The following FNDC3B variants were observed in gnomAD, a reference collection of about 807,000 sequenced individuals.
FNDC3B encodes the protein fibronectin type III domain-containing protein 3B.
A neutral mutation model predicts 151.5 loss-of-function variants in FNDC3B; 12 were observed. The observed-to-expected ratio is 0.08, with a 90% CI of 0.05 to 0.13. FNDC3B has a LOEUF of 0.13. Among genes scored for constraint, FNDC3B ranks in the 10% least tolerant of loss-of-function variants. FNDC3B has a pLI of 1.00. For synonymous variants in FNDC3B, 528 were observed against 549.0 expected (o/e 0.96, Z 0.54); for missense variants, 1,214 against 1,505.3 (o/e 0.81, Z 3.20).
intron 3 of FNDC3B, 94 bp downstream of exon 3, chr3:172,133,640 T>C: frequency 1.1e-6 from 1 of 899,764 alleles, no homozygotes; most frequent in Non-Finnish European, 1.9e-6. Context: ...TGTAATTTTC[T>C]AGAAGTAAAG....
intron 11 of FNDC3B, among the ~76,000 whole-genome samples, chr3:172,313,961 CACATTCCTATGCTAT>C (rs1406975364): frequency 1.8e-4 from 28 of 152,258 alleles, no homozygotes; most frequent in African/African-American, 6.7e-4. Context: ...CTTTGGGTCC[CACATTCCTATGCTAT>C]ACAGGCCTTA....
At chr3:172,154,304 C>A (rs888763085) in intron 3 of FNDC3B, among the ~76,000 whole-genome samples, 1 of 152,154 alleles carries the variant, frequency 6.6e-6, no homozygotes, top group Non-Finnish European at 1.5e-5. Context: ...CAACCTCCAC[C>A]TTCTGGGTTC....
intron 1 of FNDC3B, among the ~76,000 whole-genome samples, chr3:172,075,374 A>G (rs1717956206): frequency 6.6e-6 from 1 of 152,094 alleles, no homozygotes; most frequent in African/African-American, 2.4e-5. Flanking sequence ...TTGGTTTTAG[A>G]TCTCTTCATT....
chr3:172,161,113 A>C (rs1048974126), intron 3 of FNDC3B, among the ~76,000 whole-genome samples: 2 of 152,226 alleles, frequency 1.3e-5, no homozygotes, highest in African/African-American at 4.8e-5. Context: ...GTTCATTATT[A>C]ACTGTTATAT....
At chr3:172,123,733 C>T (rs567130966) in intron 2 of FNDC3B, among the ~76,000 whole-genome samples, 44 of 152,256 alleles carry the variant, frequency 2.9e-4, no homozygotes, top group Middle Eastern at 3.4e-3. Context: ...ACATGGAAAA[C>T]ATCTATATAG....
intron 3 of FNDC3B, among the ~76,000 whole-genome samples, chr3:172,191,601 A>T (rs1011957607): frequency 1.3e-5 from 2 of 152,050 alleles, no homozygotes; most frequent in African/African-American, 4.8e-5. Flanking sequence ...GGCTCAAACA[A>T]TCCTCCTGCT....
chr3:172,346,098 T>G (rs1733600527), intron 19 of FNDC3B: 2 of 275,738 alleles, frequency 7.3e-6, no homozygotes, highest in African/African-American at 4.4e-5. Flanking sequence ...ACTAATTATT[T>G]TACAATTAAA....
At chr3:172,363,068 T>G (rs1734442924) in intron 23 of FNDC3B, among the ~76,000 whole-genome samples, 1 of 151,196 alleles carries the variant, frequency 6.6e-6, no homozygotes, top group African/African-American at 2.4e-5. Flanking sequence ...CATAGCATAA[T>G]ATGCACTTTT....
At chr3:172,174,902 C>T (rs905499053) in intron 3 of FNDC3B, among the ~76,000 whole-genome samples, 6 of 131,728 alleles carry the variant, frequency 4.6e-5, no homozygotes, top group African/African-American at 5.6e-5. Context: ...ATTGCTGATT[C>T]TCTGTGGACT....
At chr3:172,043,727 CTT>C (rs944175783) in intron 1 of FNDC3B, among the ~76,000 whole-genome samples, 2 of 152,120 alleles carry the variant, frequency 1.3e-5, no homozygotes, top group Admixed American at 6.5e-5. Flanking sequence ...TTTGTTAACT[CTT>C]TGGTTTTAAA....
intron 3 of FNDC3B, among the ~76,000 whole-genome samples, chr3:172,193,186 C>A (rs1215444886): frequency 1.8e-5 from 1 of 56,296 alleles, no homozygotes; most frequent in East Asian, 6.8e-4. Context: ...CCCTTCCTCT[C>A]CCTCCCTCCC....
intron 6 of FNDC3B, among the ~76,000 whole-genome samples, chr3:172,265,902 AT>A (rs1356427149): frequency 1.3e-5 from 2 of 152,216 alleles, no homozygotes; most frequent in Non-Finnish European, 2.9e-5. Context: ...TTCCCTCAGC[AT>A]TTCTGAATTA....
At chr3:172,251,704 A>G (rs545364636) in intron 6 of FNDC3B, among the ~76,000 whole-genome samples, 163 bp downstream of exon 6, 6 of 152,350 alleles carry the variant, frequency 3.9e-5, no homozygotes, top group South Asian at 4.1e-4. Flanking sequence ...TAAGGAAATA[A>G]TATTGCATTG....
At chr3:172,104,422 GTTTT>G (rs1463756349) in intron 1 of FNDC3B, among the ~76,000 whole-genome samples, 1 of 146,710 alleles carries the variant, frequency 6.8e-6, no homozygotes, top group African/African-American at 2.5e-5. Flanking sequence ...TTTTTCCAAA[GTTTT>G]TTTTAGCATA....
intron 3 of FNDC3B, among the ~76,000 whole-genome samples, chr3:172,150,751 A>G (rs1164367317): frequency 6.6e-6 from 1 of 152,182 alleles, no homozygotes; most frequent in African/African-American, 2.4e-5. Flanking sequence ...TTGTGGGTAC[A>G]TAGTAAGTGT....
chr3:172,215,560 C>T (rs1446341543), intron 3 of FNDC3B, among the ~76,000 whole-genome samples: 1 of 152,182 alleles, frequency 6.6e-6, no homozygotes, highest in Non-Finnish European at 1.5e-5. Context: ...CCTGTCTCTA[C>T]TAAAAATACA....
chr3:172,371,708 T>C (rs1173055733), intron 23 of FNDC3B, among the ~76,000 whole-genome samples: 1 of 152,226 alleles, frequency 6.6e-6, no homozygotes, highest in Non-Finnish European at 1.5e-5. Context: ...ATTGGGCGCA[T>C]TGCCCCATCT....
chr3:172,314,711 C>T (rs1198178911), intron 11 of FNDC3B, among the ~76,000 whole-genome samples: 1 of 152,224 alleles, frequency 6.6e-6, no homozygotes, highest in South Asian at 2.1e-4. Flanking sequence ...AAAAGAGCAG[C>T]AGCCTTTATT....
chr3:172,202,728 G>A (rs916077823), intron 3 of FNDC3B, among the ~76,000 whole-genome samples: 9 of 152,212 alleles, frequency 5.9e-5, no homozygotes, highest in African/African-American at 1.9e-4. Context: ...TTCTCAGGGC[G>A]GTCATTCCAC....
Sources: allele counts gnomAD v4.1 joint callset (sites outside exome capture counted in the v4.1 genomes callset), GRCh38; gene constraint gnomAD v4.1.1; transcripts MANE v1.5; gene names NCBI Gene and HGNC (gene_info 2026-07-23, HGNC 2026-07-21).